The following ARHGAP32 variants were observed in gnomAD, a reference collection of about 807,000 sequenced individuals.
ARHGAP32 encodes rho GTPase-activating protein 32.
A neutral mutation model predicts 186.5 loss-of-function variants in ARHGAP32; 51 were observed. That is an observed-to-expected ratio of 0.27 (90% CI 0.22 to 0.35). The LOEUF (loss-of-function observed/expected upper bound fraction) is 0.35, where lower values mean the gene tolerates loss of function less well. Ranked by LOEUF, ARHGAP32 falls within the 10% of genes least tolerant of loss-of-function variation. The pLI is 1.00. For synonymous variants in ARHGAP32, 950 were observed against 964.3 expected, an observed-to-expected ratio of 0.99 and a Z score of 0.27; for missense variants, 2,186 against 2,623.5, an observed-to-expected ratio of 0.83 and a Z score of 3.64.
In ARHGAP32 at chr11:129,064,692, T is replaced by C. The variant is rs149800369; in HGVS notation, c.762+149A>G. Reference sequence around the variant, plus strand: ...ATTTGAGATGAAAAAATATTTCGTGTATCACGTATCTATCCTCCCAGATGC... The same window carrying C: ...ATTTGAGATGAAAAAATATTTCGTGCATCACGTATCTATCCTCCCAGATGC... On this transcript the variant is annotated intron_variant, in intron 8 of 22. Transcript: ENST00000682385. The C allele has an allele frequency of 8.7e-4, 495 of 570,122 alleles. 5 individuals carry two copies. In the East Asian group the frequency reaches 0.014, roughly 16 times the overall value. 35.3% of individuals were successfully genotyped at this position (570,122 alleles called of 1,614,324 possible).
intron 5 of ARHGAP32, among the ~76,000 whole-genome samples, chr11:129,115,373 T>C (rs908291683): frequency 2.0e-5 from 3 of 152,058 alleles, no homozygotes; most frequent in Non-Finnish European, 4.4e-5. Context: ...ACCCTTCAGA[T>C]TTACCAGGAA....
intron 1 of ARHGAP32, among the ~76,000 whole-genome samples, chr11:129,165,571 TATTATGAGGCATG>T (rs1943620198): frequency 6.8e-6 from 1 of 146,952 alleles, no homozygotes; most frequent in South Asian, 2.3e-4. Context: ...ATCCAGTAAA[TATTATGAGGCATG>T]CTTAAAAAAA....
intron 5 of ARHGAP32, among the ~76,000 whole-genome samples, chr11:129,115,693 G>A (rs1942348972): frequency 6.6e-6 from 1 of 152,068 alleles, no homozygotes; most frequent in Non-Finnish European, 1.5e-5. Context: ...TAAGCAAAGA[G>A]CACTGGCACC....
At position 129,266,133 on chromosome 11, in the gene ARHGAP32, A is replaced by T. The variant is rs115063766; in HGVS notation, c.-5+13013T>A. Among the ~76,000 whole-genome samples the T allele has an allele frequency of 5.2e-3, 799 of 152,314 alleles. 7 individuals are homozygous for T. Among genetic ancestry groups the T allele is most frequent in the African/African-American group, 0.018 (762 of 41,564 alleles). On this transcript the variant is annotated intron_variant, in intron 1 of 6. Coordinates refer to the ARHGAP32 transcript ENST00000525234. ...AAGAGTGACAAGTTATCCCAAAAAA[A>T]GGTACACGGAACACAATTTGGGTTA...
chr11:129,143,261 A>C (rs1189438907), intron 2 of ARHGAP32, among the ~76,000 whole-genome samples: 1 of 152,096 alleles, frequency 6.6e-6, no homozygotes, highest in East Asian at 1.9e-4. Flanking sequence ...TCTTAAAAAG[A>C]ACAGAGACAA....
intron 1 of ARHGAP32, among the ~76,000 whole-genome samples, chr11:129,221,691 G>A (rs867212073): frequency 6.6e-6 from 1 of 151,834 alleles, no homozygotes; most frequent in Non-Finnish European, 1.5e-5. Context: ...CAGGCTTTCC[G>A]GAGGAGAGCC....
chr11:129,192,281 T>C lies in ARHGAP32; in HGVS notation c.-83A>G. ...CATTCAGGTTGTTCAGCTCTACTCA[T>C]GTATACTCAGATGTGTGTCTGGTGC... On this transcript the variant is annotated 5_prime_UTR_variant, in exon 1 of 23. An upstream start codon of the reference 5' UTR is lost. Transcript: ENST00000682385. The C allele has an allele frequency of 4.3e-6, 4 of 921,290 alleles. No homozygotes were observed. The highest frequency in any genetic ancestry group is 4.8e-5 in the East Asian group (2 of 41,504). 57.1% of individuals were successfully genotyped at this position (921,290 alleles called of 1,614,324 possible). A position where few individuals can be genotyped will look rare whatever the true frequency, so the allele number is the denominator to read the frequency against.
chr11:129,199,133 C>T (rs1213595123), intron 1 of ARHGAP32, among the ~76,000 whole-genome samples: 1 of 152,158 alleles, frequency 6.6e-6, no homozygotes, highest in Non-Finnish European at 1.5e-5. Context: ...CAAGATGTGA[C>T]TGGGTTGCTG....
chr11:129,005,919 T>G (rs185596915), intron 11 of ARHGAP32, among the ~76,000 whole-genome samples: 2 of 152,190 alleles, frequency 1.3e-5, no homozygotes, highest in East Asian at 3.8e-4. Context: ...CTTATAGGCA[T>G]GCTTAATTCG....
At chr11:129,233,100 TATA>T (rs1383041831) in intron 1 of ARHGAP32, among the ~76,000 whole-genome samples, 2 of 151,962 alleles carry the variant, frequency 1.3e-5, no homozygotes, top group Admixed American at 6.6e-5. Flanking sequence ...TTTATTGGAG[TATA>T]ATATTATACT....
chr11:129,190,591 A>C (rs1392004488), intron 1 of ARHGAP32, among the ~76,000 whole-genome samples: 1 of 152,240 alleles, frequency 6.6e-6, no homozygotes, highest in Non-Finnish European at 1.5e-5. Flanking sequence ...AACTGTCAAA[A>C]GAAAATCCCA....
chr11:129,097,600 G>A (rs142107481), intron 5 of ARHGAP32, among the ~76,000 whole-genome samples: 33 of 151,986 alleles, frequency 2.2e-4, no homozygotes, highest in Non-Finnish European at 4.0e-4. Flanking sequence ...TTAAAGATAA[G>A]ACAAAAGAGA....
At chr11:128,996,456 C>T (rs1380323004) in intron 12 of ARHGAP32, among the ~76,000 whole-genome samples, 2 of 152,076 alleles carry the variant, frequency 1.3e-5, no homozygotes, top group Non-Finnish European at 2.9e-5. Context: ...TTTAAGTCAT[C>T]TCTTCATGTT....
At chr11:129,066,187 T>C (rs1940682440) in intron 7 of ARHGAP32, among the ~76,000 whole-genome samples, 1 of 152,074 alleles carries the variant, frequency 6.6e-6, no homozygotes, top group Non-Finnish European at 1.5e-5. Context: ...CTTGTTGCAC[T>C]TACATGTTTA....
intron 2 of ARHGAP32, among the ~76,000 whole-genome samples, chr11:129,160,579 A>G (rs766580287): frequency 1.3e-5 from 2 of 152,144 alleles, no homozygotes; most frequent in Non-Finnish European, 2.9e-5. Context: ...AATACCTACA[A>G]TGAGAATAAA....
chr11:129,172,046 T>A (rs1195471947), intron 1 of ARHGAP32, among the ~76,000 whole-genome samples: 3 of 152,182 alleles, frequency 2.0e-5, no homozygotes, highest in African/African-American at 7.2e-5. Flanking sequence ...TGAAGCTGCT[T>A]ATCAGTTCAA....
chr11:128,998,358 AACCAAAC>A lies in ARHGAP32; in HGVS notation c.1149_1155del (p.Phe384ValfsTer8), dbSNP rs761338292. The A allele has an allele frequency of 6.3e-7, 1 of 1,596,130 alleles. No individual in the cohort carries two copies. Among genetic ancestry groups the A allele is most frequent in the Non-Finnish European group, 8.5e-7 (1 of 1,170,712 alleles). The stretch of plus-strand genomic sequence containing the variant: ...TTTAGAAGGTGTTCCCCCAGGTCAC[AACCAAAC>A]ACCCTCTCTTTCAAGATTCCCCGCT... On this transcript the variant is annotated frameshift_variant, in exon 12 of 23. Transcript: ENST00000682385. LOFTEE classifies it high-confidence loss of function.
chr11:129,013,214 T>G (rs1435394494), intron 11 of ARHGAP32, among the ~76,000 whole-genome samples: 4 of 152,182 alleles, frequency 2.6e-5, no homozygotes, highest in African/African-American at 4.8e-5. Flanking sequence ...GTGCCCCCAT[T>G]TGGCACTCCA....
At chr11:129,051,557 T>C (rs2135082049) in intron 10 of ARHGAP32, among the ~76,000 whole-genome samples, 1 of 152,360 alleles carries the variant, frequency 6.6e-6, no homozygotes, top group East Asian at 1.9e-4. Flanking sequence ...TTTTTATGAA[T>C]TGTTCTTCTG....
Sources: allele counts gnomAD v4.1 joint callset (sites outside exome capture counted in the v4.1 genomes callset), GRCh38; gene constraint gnomAD v4.1.1; transcripts MANE v1.5; gene names NCBI Gene and HGNC (gene_info 2026-07-23, HGNC 2026-07-21).